HIVEP3: variants seen among roughly 807,000 people sequenced by gnomAD.
The protein encoded by HIVEP3 is transcription factor HIVEP3.
In HIVEP3, 49 loss-of-function variants were observed where a neutral mutation model predicts 152.8. The ratio of observed to expected loss-of-function variants is 0.32; its 90% CI spans 0.26 to 0.41. The LOEUF (loss-of-function observed/expected upper bound fraction) is 0.41. Ranked by LOEUF, HIVEP3 falls within the 10% of genes least tolerant of loss-of-function variation. HIVEP3 has a pLI of 1.00. For missense variants in HIVEP3, 2,790 were observed against 3,103.3 expected (o/e 0.90, Z 2.40); for synonymous variants, 1,269 against 1,289.0 (o/e 0.98, Z 0.33).
intron 1 of HIVEP3, among the ~76,000 whole-genome samples, chr1:42,017,468 T>C (rs1645530333): frequency 6.6e-6 from 1 of 152,158 alleles, no homozygotes; most frequent in Non-Finnish European, 1.5e-5. Flanking sequence ...TTCCCGCTTC[T>C]AGTCATTACC....
chr1:41,800,465 C>A (rs895883494), intron 1 of HIVEP3, among the ~76,000 whole-genome samples: 37 of 152,258 alleles, frequency 2.4e-4, no homozygotes, highest in Admixed American at 9.2e-4. Context: ...TGGCACCAGG[C>A]CCCTCGATGT....
intron 1 of HIVEP3, among the ~76,000 whole-genome samples, chr1:41,880,082 A>G (rs1282595305): frequency 3.3e-5 from 5 of 152,036 alleles, no homozygotes; most frequent in Non-Finnish European, 7.4e-5. Context: ...TTTTTCTGAG[A>G]TGGGTCTCAC....
chr1:41,564,974 C>T (rs1416511865), intron 5 of HIVEP3, among the ~76,000 whole-genome samples: 2 of 152,202 alleles, frequency 1.3e-5, no homozygotes, highest in Non-Finnish European at 2.9e-5. Flanking sequence ...CTCAGCGGAG[C>T]CCCTGCCTCA....
At chr1:41,707,186 G>A (rs1646447122) in intron 1 of HIVEP3, among the ~76,000 whole-genome samples, 1 of 152,156 alleles carries the variant, frequency 6.6e-6, no homozygotes, top group Non-Finnish European at 1.5e-5. Flanking sequence ...GGGCTTCTTA[G>A]AGCCCAGCTG....
chr1:41,964,899 G>A (rs1645189249), intron 1 of HIVEP3, among the ~76,000 whole-genome samples: 1 of 152,268 alleles, frequency 6.6e-6, no homozygotes, highest in South Asian at 2.1e-4. Context: ...CACCCGTTCT[G>A]CCAAGGGGCA....
At chr1:41,772,186 A>G (rs923002011) in intron 1 of HIVEP3, among the ~76,000 whole-genome samples, 3 of 150,828 alleles carry the variant, frequency 2.0e-5, no homozygotes, top group Non-Finnish European at 4.4e-5. Flanking sequence ...GGATTCCTCT[A>G]TACACCAGGA....
intron 1 of HIVEP3, among the ~76,000 whole-genome samples, chr1:41,798,346 G>C (rs1021571529): frequency 6.6e-6 from 1 of 150,792 alleles, no homozygotes; most frequent in Non-Finnish European, 1.5e-5. Context: ...AATCCAAATC[G>C]TGGTCCCTTG....
chr1:41,977,979 T>C (rs1334393111), intron 1 of HIVEP3, among the ~76,000 whole-genome samples: 1 of 152,208 alleles, frequency 6.6e-6, no homozygotes, highest in Non-Finnish European at 1.5e-5. Context: ...GAATCAATCA[T>C]ACCAATAGGC....
Position 41,510,682 on chromosome 1 carries a change from G to A in HIVEP3, c.6990C>T (p.Pro2330=). 6.6e-7 allele frequency: 1 copy of A among 1,523,296 alleles called. No homozygotes were observed. The highest frequency in any genetic ancestry group is 8.8e-7 in the Non-Finnish European group (1 of 1,134,722). 94.4% of individuals were successfully genotyped at this position (1,523,296 alleles called of 1,614,324 possible). Residue 2330 remains proline, a synonymous_variant, in exon 9 of 9, where the codon CCC becomes CCT. Transcript: ENST00000372583. ...TCGGTGCACGCGGGGACTCCAAGCG[G>A]GGGCTCCAGGACTGCGCTGCCCGGC... ...QGRRAAQSWS[P]RLESPRAPTN...
chr1:41,564,903 T>G (rs1644136887), intron 5 of HIVEP3, among the ~76,000 whole-genome samples: 1 of 152,074 alleles, frequency 6.6e-6, no homozygotes, highest in East Asian at 1.9e-4. Context: ...GGGAGCTCGC[T>G]GGATGAGAGT....
At chr1:41,599,269 A>C (rs1644711907) in intron 3 of HIVEP3, among the ~76,000 whole-genome samples, 2 of 152,248 alleles carry the variant, frequency 1.3e-5, no homozygotes. Context: ...GAAATGAATA[A>C]ATGATAGGCC....
In HIVEP3 at chr1:41,877,120, C is replaced by T. The variant is rs186383714; in HGVS notation, c.-801+41293G>A. On this transcript the variant is annotated intron_variant, in intron 1 of 8. Transcript: ENST00000372583. The stretch of plus-strand genomic sequence containing the variant: ...TTTTGGTTAATAATATTAAACTCAT[C>T]CAGGAGAATACCTTAATTTAAGACT... 1.2e-3 allele frequency among the ~76,000 whole-genome samples: 188 copies of T among 152,278 alleles called. 1 individual carries two copies. The highest frequency in any genetic ancestry group is 4.2e-3 in the African/African-American group (175 of 41,546).
chr1:41,621,619 A>G (rs1048306390), intron 3 of HIVEP3, among the ~76,000 whole-genome samples: 5 of 152,368 alleles, frequency 3.3e-5, no homozygotes, highest in African/African-American at 1.2e-4. Flanking sequence ...GGCTCAAGCC[A>G]TCCACCCGCT....
intron 1 of HIVEP3, among the ~76,000 whole-genome samples, chr1:41,975,082 C>T (rs1460320564): frequency 6.6e-6 from 1 of 152,078 alleles, no homozygotes; most frequent in African/African-American, 2.4e-5. Context: ...CACAGGGATG[C>T]AAGAATATAA....
intron 1 of HIVEP3, among the ~76,000 whole-genome samples, chr1:41,732,139 G>A (rs572859691): frequency 6.6e-6 from 1 of 152,252 alleles, no homozygotes; most frequent in African/African-American, 2.4e-5. Context: ...TAGACTATGT[G>A]GGGAAGATGA....
chr1:41,725,415 C>T (rs1646738215), intron 1 of HIVEP3, among the ~76,000 whole-genome samples: 1 of 152,180 alleles, frequency 6.6e-6, no homozygotes, highest in Non-Finnish European at 1.5e-5. Context: ...TGTTAGAGCC[C>T]AGGAGGGATG....
chr1:41,889,449 T>A (rs1389283829), intron 1 of HIVEP3, among the ~76,000 whole-genome samples: 1 of 152,124 alleles, frequency 6.6e-6, no homozygotes, highest in Non-Finnish European at 1.5e-5. Flanking sequence ...ATTCCAGACC[T>A]ACGCAGAGTC....
intron 1 of HIVEP3, among the ~76,000 whole-genome samples, chr1:41,875,416 G>A (rs942679131): frequency 3.3e-5 from 5 of 152,250 alleles, no homozygotes; most frequent in Non-Finnish European, 5.9e-5. Flanking sequence ...CTGGGTTCCT[G>A]GCTTCCCTTC....
In HIVEP3 at chr1:41,628,925, C is replaced by G. The variant is rs934144303; in HGVS notation, c.-698G>C. On this transcript the variant is annotated 5_prime_UTR_variant, in exon 3 of 9. Coordinates refer to ENST00000372583, the MANE Select transcript of HIVEP3 (RefSeq NM_024503.5). The stretch of plus-strand genomic sequence containing the variant: ...GGCTCCTCCATGAACTAGGTTGAGG[C>G]TGCTGGGTTTGTGCCTCGAATCCTG... 2.7e-5 allele frequency: 33 copies of G among 1,231,080 alleles called. No individual in the cohort carries two copies. The highest frequency in any genetic ancestry group is 3.2e-5 in the Non-Finnish European group (32 of 987,644). 76.3% of individuals were successfully genotyped at this position (1,231,080 alleles called of 1,614,324 possible). A position where few individuals can be genotyped will look rare whatever the true frequency, so the allele number is the denominator to read the frequency against.
Sources: allele counts gnomAD v4.1 joint callset (sites outside exome capture counted in the v4.1 genomes callset), GRCh38; gene constraint gnomAD v4.1.1; transcripts MANE v1.5; gene names NCBI Gene and HGNC (gene_info 2026-07-23, HGNC 2026-07-21).